Variants in MTAP observed in about 807,000 individuals in gnomAD.
The protein encoded by MTAP is methylthioadenosine phosphorylase.
In MTAP, 33 loss-of-function variants were observed where a neutral mutation model predicts 33.6. That is an observed-to-expected ratio of 0.98 (90% CI 0.74 to 1.31). The LOEUF (loss-of-function observed/expected upper bound fraction) is 1.31. Among genes scored for constraint, MTAP ranks in the 40% most tolerant of loss-of-function variants. MTAP has a pLI of 0.00. For synonymous variants in MTAP, 148 were observed against 125.7 expected (o/e 1.18, Z -1.19); for missense variants, 367 against 360.0 (o/e 1.02, Z -0.16).
At chr9:21,805,723 A>G (rs999049161) in intron 1 of MTAP, among the ~76,000 whole-genome samples, 1 of 152,214 alleles carries the variant, frequency 6.6e-6, no homozygotes, top group African/African-American at 2.4e-5. Flanking sequence ...GACACCATCT[A>G]TGAGCCAAAA....
At chr9:21,820,690 G>A (rs1347268622) in intron 4 of MTAP, among the ~76,000 whole-genome samples, 1 of 152,188 alleles carries the variant, frequency 6.6e-6, no homozygotes, top group African/African-American at 2.4e-5. Flanking sequence ...GTAGCTTGAT[G>A]GGGATGGCAC....
At position 21,829,490 on chromosome 9, in the gene MTAP, A is replaced by G. The variant is rs868419210; in HGVS notation, c.348-8418A>G. On this transcript the variant is annotated intron_variant, in intron 4 of 7. Coordinates refer to ENST00000644715, the MANE Select transcript of MTAP (RefSeq NM_002451.4). ...GCCCAGGCTAGACTGCAGTAATGCA[A>G]TCTCGGCTCACTGCAAGTGTGAGCC... 2.0e-5 allele frequency among the ~76,000 whole-genome samples: 3 copies of G among 151,374 alleles called. No homozygotes were observed. The East Asian group carries it at 5.8e-4, about 29-fold the overall frequency.
rs1018622568 is a variant in MTAP, at chr9:21,802,682, T to C, written c.-67T>C. 2 of 1,561,410 alleles carry C rather than the reference T, an allele frequency of 1.3e-6. No homozygotes were observed. Among genetic ancestry groups the C allele is most frequent in the East Asian group, 2.4e-5 (1 of 41,980 alleles). On this transcript the variant is annotated 5_prime_UTR_variant, in exon 1 of 8. Coordinates refer to ENST00000644715, the MANE Select transcript of MTAP (RefSeq NM_002451.4). ...GCAGTGAGGTTGGCACAGCCACCGC[T>C]CTGTGGCTCGCTTGGTTCCCTTAGT...
chr9:21,816,736 G>A lies in MTAP; in HGVS notation c.143G>A (p.Gly48Glu), dbSNP rs1473204371. 6.2e-7 allele frequency: 1 copy of A among 1,611,162 alleles called. No individual in the cohort carries two copies. The highest frequency in any genetic ancestry group is 1.7e-5 in the Admixed American group (1 of 59,582). The part of the protein sequence containing the change: ...FGKPSDALIL[G>E]KIKNVDCVLL... ...CAGCCATCTGATGCCTTAATTTTGGGGAAGATAAAAAATGTTGATTGCGTC... is the reference window on the plus strand; with the variant it reads ...CAGCCATCTGATGCCTTAATTTTGGAGAAGATAAAAAATGTTGATTGCGTC... Residue 48 changes from glycine (G) to glutamate (E), a missense_variant, in exon 3 of 8, where the codon GGG becomes GAG. Transcript: ENST00000644715.
chr9:21,889,448 G>T lies in MTAP; in HGVS notation c.147+34578G>T, dbSNP rs531175405. On this transcript the variant is annotated intron_variant, in intron 1 of 1. Transcript: ENST00000577563. The stretch of plus-strand genomic sequence containing the variant: ...GGTGATCTAGTGTGATCTTTTGGGG[G>T]TGTTATAGCACCTTGTTTTGTCATA... Among the ~76,000 whole-genome samples the T allele has an allele frequency of 2.0e-5, 3 of 151,900 alleles. No individual in the cohort carries two copies. In the South Asian group the frequency reaches 6.2e-4, roughly 32 times the overall value.
In MTAP at chr9:21,827,442, C is replaced by A. The variant is rs1587219424; in HGVS notation, c.347+9240C>A. 1.3e-5 allele frequency among the ~76,000 whole-genome samples: 2 copies of A among 152,294 alleles called. 1 individual carries two copies. The highest frequency in any genetic ancestry group is 6.8e-3 in the Middle Eastern group (2 of 294). On this transcript the variant is annotated intron_variant, in intron 4 of 7. Coordinates refer to ENST00000644715, the MANE Select transcript of MTAP (RefSeq NM_002451.4). ...TATCAGAAGCATTCTTGGTTGTTTC[C>A]TGATGGAATGAAACTGTTTTGAAAT...
chr9:21,931,424 C>T (rs145830622), downstream of MTAP: 2 of 418,238 alleles, frequency 4.8e-6, no homozygotes, highest in African/African-American at 4.1e-5. Context: ...TTGTTAAACT[C>T]TCTCTCTAAA....
At chr9:21,905,946 T>G (rs1225563315) in intron 1 of MTAP, among the ~76,000 whole-genome samples, 2 of 152,202 alleles carry the variant, frequency 1.3e-5, no homozygotes, top group Non-Finnish European at 2.9e-5. Context: ...AGCTTTCAAG[T>G]GGGTTTGGTA....
downstream of MTAP, among the ~76,000 whole-genome samples, chr9:21,939,159 G>A (rs1051553540): frequency 1.3e-5 from 2 of 152,150 alleles, no homozygotes; most frequent in African/African-American, 2.4e-5. Context: ...TTCACCATCA[G>A]GTAAGAAGTG....
At position 21,837,427 on chromosome 9, in the gene MTAP, C is replaced by T. The variant is rs149933023; in HGVS notation, c.348-481C>T. On this transcript the variant is annotated intron_variant, in intron 4 of 7. Transcript: ENST00000644715. Reference sequence around the variant, plus strand: ...TTTTTTAAGACATTGGGGAAATTTGCATCTGCTCTGAGTCAAAGCCTGGGA... The same window carrying T: ...TTTTTTAAGACATTGGGGAAATTTGTATCTGCTCTGAGTCAAAGCCTGGGA... 2.1e-3 allele frequency among the ~76,000 whole-genome samples: 326 copies of T among 152,300 alleles called. 1 individual carries two copies. The highest frequency in any genetic ancestry group is 7.0e-3 in the African/African-American group (292 of 41,562).
At chr9:21,899,259 G>A (rs1818347983) in intron 1 of MTAP, among the ~76,000 whole-genome samples, 1 of 150,950 alleles carries the variant, frequency 6.6e-6, no homozygotes, top group Non-Finnish European at 1.5e-5. Flanking sequence ...GGGAGGGATA[G>A]CATTAGAAGA....
chr9:21,926,261 T>C (rs1180979476), intron 1 of MTAP, among the ~76,000 whole-genome samples: 4 of 152,252 alleles, frequency 2.6e-5, no homozygotes, highest in African/African-American at 7.2e-5. Context: ...AGGGACTTCA[T>C]CCCCTAATTG....
At chr9:21,927,830 A>C (rs1016258536) in intron 1 of MTAP, among the ~76,000 whole-genome samples, 3 of 152,194 alleles carry the variant, frequency 2.0e-5, no homozygotes, top group Non-Finnish European at 4.4e-5. Context: ...TCACACCCAC[A>C]TGGCTAACCA....
intron 1 of MTAP, among the ~76,000 whole-genome samples, chr9:21,873,419 T>C (rs917858267): frequency 2.0e-5 from 3 of 152,038 alleles, no homozygotes; most frequent in African/African-American, 7.2e-5. Flanking sequence ...GGTAGAGCCT[T>C]TGGGGGTGAT....
intron 1 of MTAP, among the ~76,000 whole-genome samples, chr9:21,904,557 C>G (rs1345604423): frequency 6.6e-6 from 1 of 152,168 alleles, no homozygotes; most frequent in Non-Finnish European, 1.5e-5. Context: ...CTTTCTACCA[C>G]CAATCCAGAC....
downstream of MTAP, among the ~76,000 whole-genome samples, chr9:21,870,281 G>A (rs1038243984): frequency 5.9e-5 from 9 of 152,240 alleles, no homozygotes; most frequent in East Asian, 1.9e-4. Context: ...ACTTACTCTA[G>A]TATTTGTATA....
intron 1 of MTAP, among the ~76,000 whole-genome samples, chr9:21,810,818 G>A (rs922182736): frequency 5.9e-5 from 9 of 152,134 alleles, no homozygotes; most frequent in African/African-American, 2.2e-4. Flanking sequence ...TACCTACAAG[G>A]GTGGCCTACA....
intron 1 of MTAP, among the ~76,000 whole-genome samples, chr9:21,803,921 A>T (rs1824137087): frequency 6.6e-6 from 1 of 152,190 alleles, no homozygotes; most frequent in African/African-American, 2.4e-5. Context: ...AATGAGAGGA[A>T]TGGTGAAGGG....
At chr9:21,884,504 A>G (rs1587274066) in intron 1 of MTAP, among the ~76,000 whole-genome samples, 2 of 152,344 alleles carry the variant, frequency 1.3e-5, no homozygotes, top group East Asian at 3.9e-4. Flanking sequence ...TTGTAAAAAT[A>G]CTATAGACTG....
Sources: gnomAD v4.1 joint callset for allele counts (sites outside exome capture counted in the v4.1 genomes callset) on GRCh38, gnomAD v4.1.1 for gene constraint, MANE v1.5 for transcripts, NCBI Gene and HGNC (gene_info 2026-07-23, HGNC 2026-07-21) for gene names.